CFAP299: variants seen among roughly 807,000 people sequenced by gnomAD.
CFAP299 encodes the protein cilia and flagella associated protein 299, also known as cilia- and flagella-associated protein 299.
In CFAP299, 21 loss-of-function variants were observed where a neutral mutation model predicts 27.0. The observed-to-expected ratio is 0.78, with a 90% CI of 0.55 to 1.12. CFAP299 has a LOEUF of 1.12. Among genes scored for constraint, CFAP299 ranks in the 50% most tolerant of loss-of-function variants. The pLI, the probability that CFAP299 is intolerant of heterozygous loss-of-function variation, is 0.00. For synonymous variants in CFAP299, 104 were observed against 98.1 expected (o/e 1.06, Z -0.36); for missense variants, 310 against 276.6 (o/e 1.12, Z -0.86).
intron 2 of CFAP299, among the ~76,000 whole-genome samples, chr4:80,458,827 T>A (rs1042491806): frequency 1.3e-5 from 2 of 152,056 alleles, no homozygotes; most frequent in Non-Finnish European, 2.9e-5. Context: ...TTGTTCAGGG[T>A]CTTCAGTATC....
At chr4:80,380,005 T>C (rs771283542) in intron 2 of CFAP299, among the ~76,000 whole-genome samples, 4 of 152,176 alleles carry the variant, frequency 2.6e-5, no homozygotes, top group African/African-American at 4.8e-5. Context: ...ATGAATGTCG[T>C]TATGTCCAAC....
At chr4:80,557,374 G>A (rs1734829345) in intron 2 of CFAP299, among the ~76,000 whole-genome samples, 2 of 152,060 alleles carry the variant, frequency 1.3e-5, no homozygotes, top group South Asian at 4.1e-4. Flanking sequence ...TGGTGTCAAT[G>A]CTCAGAATTT....
chr4:80,748,206 C>A (rs762468855), intron 3 of CFAP299, among the ~76,000 whole-genome samples: 1 of 152,074 alleles, frequency 6.6e-6, no homozygotes, highest in South Asian at 2.1e-4. Context: ...TAACACATGA[C>A]TATATTTGTC....
intron 3 of CFAP299, among the ~76,000 whole-genome samples, chr4:80,767,025 A>C (rs576094905): frequency 6.6e-6 from 1 of 152,190 alleles, no homozygotes; most frequent in Admixed American, 6.5e-5. Context: ...TCCGAAGGAT[A>C]TATTCCAAGA....
At chr4:80,377,617 G>A (rs573427457) in intron 2 of CFAP299, among the ~76,000 whole-genome samples, 3 of 151,408 alleles carry the variant, frequency 2.0e-5, no homozygotes, top group South Asian at 2.1e-4. Flanking sequence ...ACCTAAATTT[G>A]TAGAAATCAT....
chr4:80,875,122 T>C (rs1733304125), intron 4 of CFAP299, among the ~76,000 whole-genome samples: 1 of 152,154 alleles, frequency 6.6e-6, no homozygotes. Context: ...AGCAACACTC[T>C]TCTGGTCTAC....
rs1355775811 is a variant in CFAP299 at position 80,893,597 on chromosome 4, C to A, written c.476+23462C>A. ...ATCAATTGATCTTCAACAAATGTATCAAGAACACAATGTGGAAAGGATGGT... is the reference window on the plus strand; with the variant it reads ...ATCAATTGATCTTCAACAAATGTATAAAGAACACAATGTGGAAAGGATGGT... On this transcript the variant is annotated intron_variant, in intron 4 of 5. Transcript: ENST00000358105. 2.7e-5 allele frequency among the ~76,000 whole-genome samples: 4 copies of A among 150,160 alleles called. No homozygotes were observed. In the South Asian group the frequency reaches 8.4e-4, roughly 31 times the overall value.
At chr4:80,447,284 C>T (rs555595867) in intron 2 of CFAP299, among the ~76,000 whole-genome samples, 5 of 145,794 alleles carry the variant, frequency 3.4e-5, no homozygotes, top group Admixed American at 2.0e-4. Flanking sequence ...TACAGGCGCC[C>T]GCCACTACGC....
chr4:80,792,708 T>C lies in CFAP299; in HGVS notation c.334-77285T>C, dbSNP rs144991891. Among the ~76,000 whole-genome samples the C allele has an allele frequency of 2.4e-3, 368 of 152,256 alleles. 4 individuals carry two copies. Among genetic ancestry groups the C allele is most frequent in the African/African-American group, 8.2e-3 (342 of 41,566 alleles). On this transcript the variant is annotated intron_variant, in intron 3 of 5. Transcript: ENST00000358105. ...CTGTGCTGAGAAATATTTGTTCAGA[T>C]AGGTTTTCTGCGTTTATCCCTTTCA...
At chr4:80,404,731 GC>G (rs1290505830) in intron 2 of CFAP299, among the ~76,000 whole-genome samples, 4 of 152,182 alleles carry the variant, frequency 2.6e-5, no homozygotes, top group African/African-American at 9.7e-5. Flanking sequence ...TGTGAATGAT[GC>G]TACTGTGGAC....
At chr4:80,716,571 G>T (rs886724114) in intron 3 of CFAP299, among the ~76,000 whole-genome samples, 2 of 152,066 alleles carry the variant, frequency 1.3e-5, no homozygotes, top group East Asian at 3.9e-4. Context: ...ATGCATCGTT[G>T]TTCTTCCACT....
intron 4 of CFAP299, among the ~76,000 whole-genome samples, chr4:80,906,119 T>C (rs2110199622): frequency 6.6e-6 from 1 of 152,254 alleles, no homozygotes; most frequent in South Asian, 2.1e-4. Flanking sequence ...CAAGCATTAG[T>C]TAAATATACC....
intron 4 of CFAP299, among the ~76,000 whole-genome samples, chr4:80,936,138 CA>C (rs747834562): frequency 4.7e-4 from 71 of 152,072 alleles, no homozygotes; most frequent in Non-Finnish European, 9.4e-4. Flanking sequence ...ATCAACCTAT[CA>C]AAGATGATGA....
intron 3 of CFAP299, among the ~76,000 whole-genome samples, chr4:80,830,578 A>G (rs1394730445): frequency 6.6e-6 from 1 of 152,076 alleles, no homozygotes; most frequent in Admixed American, 6.6e-5. Context: ...AATGAGGATG[A>G]TCTTGTAAGC....
rs528446883 is a variant in CFAP299 at position 80,847,505 on chromosome 4, A to G, written c.334-22488A>G. ...TTACTAATAGCTCCAGGTTCATGCA[A>G]TATCCCTTGTGGTGACCCTACATGC... is the stretch of plus-strand genomic sequence containing the variant. On this transcript the variant is annotated intron_variant, in intron 3 of 5. Transcript: ENST00000358105. Among the ~76,000 whole-genome samples, 23 of 152,308 alleles carry G rather than the reference A, an allele frequency of 1.5e-4. 1 individual carries two copies. In the East Asian group the frequency reaches 4.2e-3, roughly 28 times the overall value.
chr4:80,495,414 AAG>A (rs1731384511), intron 2 of CFAP299, among the ~76,000 whole-genome samples: 1 of 152,358 alleles, frequency 6.6e-6, no homozygotes, highest in South Asian at 2.1e-4. Context: ...TGGGTAAAAA[AAG>A]AATTATATGT....
At position 80,588,874 on chromosome 4, in the gene CFAP299, C is replaced by T. The variant is rs984307533; in HGVS notation, c.333+5691C>T. On this transcript the variant is annotated intron_variant, in intron 3 of 5. Coordinates refer to ENST00000358105, the MANE Select transcript of CFAP299 (RefSeq NM_152770.3). The stretch of plus-strand genomic sequence containing the variant: ...ATATTTACTACATATATGAAATAGG[C>T]ATTATTTTTATATCCACTTTATAGA... Among the ~76,000 whole-genome samples, 22 of 152,194 alleles carry T rather than the reference C, an allele frequency of 1.4e-4. 1 individual carries two copies. Among genetic ancestry groups the T allele is most frequent in the African/African-American group, 5.3e-4 (22 of 41,524 alleles).
At chr4:80,934,898 T>C (rs1039927046) in intron 4 of CFAP299, among the ~76,000 whole-genome samples, 2 of 152,032 alleles carry the variant, frequency 1.3e-5, no homozygotes, top group Non-Finnish European at 2.9e-5. Flanking sequence ...TGATCATTAG[T>C]GTTTCCTTCC....
At chr4:80,861,456 A>C (rs1732353187) in intron 3 of CFAP299, among the ~76,000 whole-genome samples, 1 of 152,128 alleles carries the variant, frequency 6.6e-6, no homozygotes, top group African/African-American at 2.4e-5. Context: ...TAGTGAGATG[A>C]ACCCGGTACC....
Sources: gnomAD v4.1 joint callset for allele counts (sites outside exome capture counted in the v4.1 genomes callset) on GRCh38, gnomAD v4.1.1 for gene constraint, MANE v1.5 for transcripts, NCBI Gene and HGNC (gene_info 2026-07-23, HGNC 2026-07-21) for gene names.